Variants in OR4P4 observed in about 807,000 individuals in gnomAD.
The protein encoded by OR4P4 is olfactory receptor family 4 subfamily P member 4.
A neutral mutation model predicts 2.1 loss-of-function variants in OR4P4; 1 was observed. That is an observed-to-expected ratio of 0.47 (90% confidence interval 0.17 to 2.21). The LOEUF (loss-of-function observed/expected upper bound fraction) is 2.21, where lower values mean the gene tolerates loss of function less well. Ranked by LOEUF, OR4P4 falls within the 30% of genes most tolerant of loss-of-function variation. The pLI, the probability that OR4P4 is intolerant of heterozygous loss-of-function variation, is 0.27. For synonymous variants in OR4P4, 129 were observed against 133.2 expected (o/e 0.97, Z 0.22); for missense variants, 375 against 376.5 (o/e 1.00, Z 0.03).
At chr11:55,639,053 C>A in exon 2 of OR4P4, 2 of 1,492,034 alleles carry the variant, frequency 1.3e-6, no homozygotes, top group East Asian at 2.6e-5. Flanking sequence ...AGAGACGCAG[C>A]AAAGCTCTTG....
At chr11:55,635,859 T>G (rs1858382855) in intron 1 of OR4P4, among the ~76,000 whole-genome samples, 1 of 137,646 alleles carries the variant, frequency 7.3e-6, no homozygotes, top group South Asian at 2.4e-4. Flanking sequence ...AAGACATTTT[T>G]GGATTAAATG....
At chr11:55,639,108 C>A in exon 2 of OR4P4, 3 of 1,493,112 alleles carry the variant, frequency 2.0e-6, no homozygotes, top group Non-Finnish European at 2.7e-6. Flanking sequence ...GTTTTTTGCA[C>A]CTGCATTGTT....
Position 55,637,654 on chromosome 11 carries a change from A to G in OR4P4, c.-30-674A>G, listed in dbSNP as rs1479424874. Among the ~76,000 whole-genome samples, 2 of 138,250 alleles carry G rather than the reference A, an allele frequency of 1.4e-5. 1 individual carries two copies. Among genetic ancestry groups the G allele is most frequent in the Non-Finnish European group, 3.2e-5 (2 of 62,034 alleles). The allele number at this position is 138,250 out of a possible 152,430, so 90.7% of individuals were successfully genotyped here. ...GTCAAGAATGAAATTAGGGCTGAAA[A>G]TGTATATTATAAATGGACAGTCATT... On this transcript the variant is annotated intron_variant, in intron 1 of 1. Coordinates refer to ENST00000641760, the Ensembl canonical transcript of OR4P4.
chr11:55,635,148 A>C (rs1858373901), exon 1 of OR4P4: 1 of 137,812 alleles, frequency 7.3e-6, no homozygotes, highest in African/African-American at 2.5e-5. Context: ...CTCAGTCATA[A>C]AAATCTTTGT....
At position 55,639,698 on chromosome 11, in the gene OR4P4, G is replaced by A. The variant is rs967868145; in HGVS notation, c.*402G>A. On this transcript the variant is annotated 3_prime_UTR_variant, in exon 2 of 2. Transcript: ENST00000641760. ...AAAATGCATGTATTGCCTGTGTACA[G>A]CTCACGAATTTTTGCAAACTGAGCA... 16 of 150,608 alleles carry A rather than the reference G, an allele frequency of 1.1e-4. 1 individual carries two copies. The highest frequency in any genetic ancestry group is 4.0e-4 in the African/African-American group (16 of 40,166). The allele number at this position is 150,608 out of a possible 1,614,324, so 9.3% of individuals were successfully genotyped here.
Position 55,639,011 on chromosome 11 carries a change from T to C in OR4P4, c.654T>C (p.Phe218=). 7.4e-6 allele frequency: 11 copies of C among 1,491,708 alleles called. 1 individual carries two copies. Among genetic ancestry groups the C allele is most frequent in the African/African-American group, 1.4e-5 (1 of 72,890 alleles). The allele number at this position is 1,491,708 out of a possible 1,614,324, so 92.4% of individuals were successfully genotyped here. The stretch of plus-strand genomic sequence containing the variant: ...TTGTCTTGTTGTTGTCTTATGTTTT[T>C]ATATTGTATACCATCAGAGCATACT... The change falls in exon 2 of 2, where the codon TTT becomes TTC. Residue 218 remains phenylalanine, a synonymous_variant. Transcript: ENST00000641760.
exon 2 of OR4P4, chr11:55,639,910 T>G (rs1858438153): frequency 7.4e-6 from 1 of 135,892 alleles, no homozygotes. Flanking sequence ...CTGAGGTGGG[T>G]GGATCATGAG....
rs771713760 is a variant in OR4P4 at position 55,638,500 on chromosome 11, C to T, written c.143C>T (p.Thr48Met). ...AACTTACTCATAATGATTTCTATCA[C>T]GTGCACCCAGCTCATTCACCAACCC... The change falls in exon 2 of 2, where the codon ACG becomes ATG. Residue 48 changes from threonine to methionine, a missense_variant. Coordinates refer to ENST00000641760, the Ensembl canonical transcript of OR4P4. 84 of 1,482,956 alleles carry T rather than the reference C, an allele frequency of 5.7e-5. 17 individuals are homozygous for T. Among genetic ancestry groups the T allele is most frequent in the Admixed American group, 1.2e-4 (6 of 49,846 alleles). The allele number at this position is 1,482,956 out of a possible 1,614,324, so 91.9% of individuals were successfully genotyped here. A position where few individuals can be genotyped will look rare whatever the true frequency, so the allele number is the denominator to read the frequency against.
At position 55,638,806 on chromosome 11, in the gene OR4P4, G is replaced by A. The variant is rs755791884; in HGVS notation, c.449G>A (p.Gly150Glu). The A allele has an allele frequency of 2.0e-6, 3 of 1,491,712 alleles. 1 individual carries two copies. The South Asian group carries it at 3.5e-5, about 18-fold the overall frequency. 92.4% of individuals were successfully genotyped at this position (1,491,712 alleles called of 1,614,324 possible). Reference sequence around the variant, plus strand: ...ATCATCATAGTTTGTTGTACTGGGGGATTTATACATTCTGCCAGTCAGTTT... The same window carrying A: ...ATCATCATAGTTTGTTGTACTGGGGAATTTATACATTCTGCCAGTCAGTTT... Residue 150 changes from glycine to glutamate, a missense_variant, in exon 2 of 2, where the codon GGA becomes GAA. Transcript: ENST00000641760.
intron 1 of OR4P4, among the ~76,000 whole-genome samples, chr11:55,637,646 G>T (rs1858404009): frequency 7.3e-6 from 1 of 137,650 alleles, no homozygotes. Flanking sequence ...ATGAAATTAG[G>T]GCTGAAAATG....
At chr11:55,639,019 A>G in exon 2 of OR4P4, 2 of 1,492,334 alleles carry the variant, frequency 1.3e-6, no homozygotes, top group Non-Finnish European at 1.8e-6. Flanking sequence ...TTTATATTGT[A>G]TACCATCAGA....
Position 55,637,990 on chromosome 11 carries a change from C to A in OR4P4, c.-30-338C>A, listed in dbSNP as rs148139904. 1.5e-5 allele frequency among the ~76,000 whole-genome samples: 2 copies of A among 137,902 alleles called. 1 individual carries two copies. The highest frequency in any genetic ancestry group is 5.0e-5 in the African/African-American group (2 of 39,802). 90.5% of individuals were successfully genotyped at this position (137,902 alleles called of 152,430 possible). On this transcript the variant is annotated intron_variant, in intron 1 of 1. Transcript: ENST00000641760. ...AATCCCAGAGAGTAAAAGCAGTATC[C>A]TTTGCAAGGAATTATTTTGTATTAC...
exon 2 of OR4P4, chr11:55,639,533 A>C (rs1858434562): frequency 6.0e-6 from 2 of 330,954 alleles, no homozygotes; most frequent in Non-Finnish European, 1.1e-5. Flanking sequence ...ATAACCAGAA[A>C]ATTTCTTAAA....
At chr11:55,637,047 G>C (rs1414948651) in intron 1 of OR4P4, among the ~76,000 whole-genome samples, 1 of 137,682 alleles carries the variant, frequency 7.3e-6, no homozygotes, top group Non-Finnish European at 1.6e-5. Flanking sequence ...CTGTAAAAAA[G>C]TTGAACCCAG....
rs1858423024 is a variant in OR4P4 at position 55,638,826 on chromosome 11, C to G, written c.469C>G (p.Gln157Glu). 3 of 1,490,730 alleles carry G rather than the reference C, an allele frequency of 2.0e-6. 1 individual carries two copies. Among genetic ancestry groups the G allele is most frequent in the Non-Finnish European group, 2.7e-6 (3 of 1,095,938 alleles). 92.3% of individuals were successfully genotyped at this position (1,490,730 alleles called of 1,614,324 possible). ...TGGGGGATTTATACATTCTGCCAGTCAGTTTCTTCTCACCATCTTTGTACC... is the reference window on the plus strand; with the variant it reads ...TGGGGGATTTATACATTCTGCCAGTGAGTTTCTTCTCACCATCTTTGTACC... Residue 157 changes from glutamine (Q) to glutamate (E), a missense_variant, in exon 2 of 2, where the codon CAG becomes GAG. Transcript: ENST00000641760.
chr11:55,635,430 A>G (rs1858376282), intron 1 of OR4P4, among the ~76,000 whole-genome samples: 2 of 137,400 alleles, frequency 1.5e-5, no homozygotes, highest in African/African-American at 5.0e-5. Flanking sequence ...TTGCCTTCAA[A>G]CTTTTTTTTA....
rs1459154735 is a variant in OR4P4 at position 55,638,492 on chromosome 11, T to G, written c.135T>G (p.Ile45Met). The stretch of plus-strand genomic sequence containing the variant: ...GGATGGGAAACTTACTCATAATGAT[T>G]TCTATCACGTGCACCCAGCTCATTC... Residue 45 changes from isoleucine to methionine, a missense_variant, in exon 2 of 2, where the codon ATT becomes ATG. Physicochemically the swap from Ile to Met is conservative, Grantham distance 10. Coordinates refer to ENST00000641760, the Ensembl canonical transcript of OR4P4. 37 of 1,481,906 alleles carry G rather than the reference T, an allele frequency of 2.5e-5. 10 individuals are homozygous for G. The highest frequency in any genetic ancestry group is 3.4e-5 in the Non-Finnish European group (37 of 1,088,200). 91.8% of individuals were successfully genotyped at this position (1,481,906 alleles called of 1,614,324 possible).
Position 55,639,301 on chromosome 11 carries a change from T to C in OR4P4, c.*5T>C, listed in dbSNP as rs931783351. 59 of 1,350,882 alleles carry C rather than the reference T, an allele frequency of 4.4e-5. 3 individuals carry two copies. The highest frequency in any genetic ancestry group is 2.0e-4 in the Middle Eastern group (1 of 4,904). The allele number at this position is 1,350,882 out of a possible 1,614,324, so 83.7% of individuals were successfully genotyped here. ...AAAAGAAATCAACTTTTCTGAATTG[T>C]TTCTGCTTTTCATGCCGTGGTTCCC... On this transcript the variant is annotated 3_prime_UTR_variant, in exon 2 of 2. Coordinates refer to ENST00000641760, the Ensembl canonical transcript of OR4P4.
In OR4P4 at chr11:55,638,779, C is replaced by T. The variant is rs139375531; in HGVS notation, c.422C>T (p.Thr141Ile). ...ATTATGAGCAGGCAAAAGTGTAACA[C>T]AATCATCATAGTTTGTTGTACTGGG... The change falls in exon 2 of 2, where the codon ACA (threonine) becomes ATA (isoleucine). Residue 141 changes from threonine (T) to isoleucine (I), a missense_variant. By Grantham distance (89) the Thr-to-Ile change is moderately conservative. Transcript: ENST00000641760. 6 of 1,492,430 alleles carry T rather than the reference C, an allele frequency of 4.0e-6. 1 individual carries two copies. Among genetic ancestry groups the T allele is most frequent in the Middle Eastern group, 3.8e-4 (2 of 5,296 alleles). 92.4% of individuals were successfully genotyped at this position (1,492,430 alleles called of 1,614,324 possible). A position where few individuals can be genotyped will look rare whatever the true frequency, so the allele number is the denominator to read the frequency against.
Sources: gnomAD v4.1 joint callset for allele counts (sites outside exome capture counted in the v4.1 genomes callset) on GRCh38, gnomAD v4.1.1 for gene constraint, MANE v1.5 for transcripts, NCBI Gene and HGNC (gene_info 2026-07-23, HGNC 2026-07-21) for gene names.